Variants in MLLT10 observed in about 807,000 individuals in gnomAD.
MLLT10 encodes the protein MLLT10 histone lysine methyltransferase DOT1L cofactor.
Under a neutral mutation model 129.1 loss-of-function variants are expected in MLLT10, and 30 were observed. The ratio of observed to expected loss-of-function variants is 0.23; its 90% CI spans 0.17 to 0.32. The LOEUF (loss-of-function observed/expected upper bound fraction) is 0.32. MLLT10 is among the 10% of genes least tolerant of loss of function. The pLI is 1.00. For synonymous variants in MLLT10, 490 were observed against 446.4 expected (o/e 1.10, Z -1.23); for missense variants, 1,119 against 1,268.3 (o/e 0.88, Z 1.79).
Position 21,534,825 on chromosome 10 carries a change from C to T in MLLT10, c.160+21C>T, listed in dbSNP as rs372308737. ...TCAAGGTAAACACCCAACCGCCCGC[C>T]GGGGCGCGCCGGCCTGCGCCCAACG... is the stretch of plus-strand genomic sequence containing the variant. On this transcript the variant is annotated intron_variant, in intron 2 of 22. Coordinates refer to ENST00000307729, the MANE Select transcript of MLLT10 (RefSeq NM_001195626.3). 91 of 1,562,204 alleles carry T rather than the reference C, an allele frequency of 5.8e-5. No homozygotes were observed. In the African/African-American group the frequency reaches 1.2e-3, roughly 20 times the overall value.
chr10:21,630,746 T>C (rs1297597459), intron 8 of MLLT10, among the ~76,000 whole-genome samples: 1 of 152,236 alleles, frequency 6.6e-6, no homozygotes, highest in African/African-American at 2.4e-5. Context: ...TACCAGCATC[T>C]ATGAAACTGT....
At chr10:21,670,336 C>A in intron 9 of MLLT10, 113 bp from the exon 10 acceptor site, 1 of 1,009,628 alleles carries the variant, frequency 9.9e-7, no homozygotes, top group Non-Finnish European at 1.4e-6. Flanking sequence ...ATTTTTAGAA[C>A]AGAAACTTTG....
intron 3 of MLLT10, among the ~76,000 whole-genome samples, chr10:21,567,272 A>G (rs1342208329): frequency 1.3e-5 from 2 of 152,168 alleles, no homozygotes; most frequent in Non-Finnish European, 2.9e-5. Context: ...TAAGCCAGGT[A>G]GGGGATGAAG....
intron 11 of MLLT10, among the ~76,000 whole-genome samples, chr10:21,680,435 A>G (rs976908924): frequency 6.6e-6 from 1 of 151,740 alleles, no homozygotes; most frequent in Non-Finnish European, 1.5e-5. Context: ...CAAACTCCTG[A>G]CCTCAAGTGC....
In MLLT10 at chr10:21,670,506, A is replaced by C. The variant is rs572415276; in HGVS notation, c.853A>C (p.Thr285Pro). ...ISGSLKRLEDTTARFTNANFQ... is the reference protein window; with the variant it reads ...ISGSLKRLEDPTARFTNANFQ... ...TGGATCATTGAAGCGCTTGGAAGAT[A>C]CTACTGCACGATTTACAAATGCAAA... The change falls in exon 10 of 23, where the codon ACT becomes CCT. Residue 285 changes from threonine to proline, a missense_variant. Around this residue, in one of 5 missense-constraint regions of MLLT10, gnomAD observed 1,004 missense variants for 1,008.7 expected, o/e 1.00. Transcript: ENST00000307729. 6.2e-7 allele frequency: 1 copy of C among 1,614,134 alleles called. No individual in the cohort carries two copies. Among genetic ancestry groups the C allele is most frequent in the African/African-American group, 1.3e-5 (1 of 75,066 alleles).
At chr10:21,680,859 C>T (rs2052663251) in intron 11 of MLLT10, among the ~76,000 whole-genome samples, 1 of 151,672 alleles carries the variant, frequency 6.6e-6, no homozygotes, top group African/African-American at 2.4e-5. Flanking sequence ...GTAGTCCCAG[C>T]TATTTGGGAG....
chr10:21,703,853 G>T (rs1023199113), intron 13 of MLLT10, among the ~76,000 whole-genome samples: 2 of 151,426 alleles, frequency 1.3e-5, no homozygotes, highest in Non-Finnish European at 2.9e-5. Flanking sequence ...CCAGACCTGG[G>T]AAGTTTTAAT....
At chr10:21,553,460 A>C (rs1362168996) in intron 3 of MLLT10, among the ~76,000 whole-genome samples, 1 of 150,792 alleles carries the variant, frequency 6.6e-6, no homozygotes, top group Non-Finnish European at 1.5e-5. Flanking sequence ...CGAGTAGCTG[A>C]GACTACAGGC....
intron 3 of MLLT10, among the ~76,000 whole-genome samples, chr10:21,543,420 C>G (rs1212443454): frequency 6.6e-6 from 1 of 152,022 alleles, no homozygotes. Flanking sequence ...GTTGCCTGGC[C>G]AAGGATTTTT....
Position 21,599,067 on chromosome 10 carries a change from ACTC to A in MLLT10, c.405+3628_405+3630del, listed in dbSNP as rs544477964. Among the ~76,000 whole-genome samples, 53 of 151,524 alleles carry A rather than the reference ACTC, an allele frequency of 3.5e-4. 3 individuals carry two copies. The South Asian group carries it at 0.011, about 31-fold the overall frequency. On this transcript the variant is annotated intron_variant, in intron 5 of 22. Transcript: ENST00000307729. ...AGTAGCAGGCGCCTGTAATCCCACT[ACTC>A]AGGAGGCTGAGGCAGGAGAATTGCT... is the stretch of plus-strand genomic sequence containing the variant.
rs776219641 is a variant in MLLT10, at chr10:21,642,366, C to T, written c.700-9307C>T. Among the ~76,000 whole-genome samples, 210 of 142,220 alleles carry T rather than the reference C, an allele frequency of 1.5e-3. 1 individual carries two copies. Among genetic ancestry groups the T allele is most frequent in the Non-Finnish European group, 1.2e-3 (76 of 65,132 alleles). 93.3% of individuals were successfully genotyped at this position (142,220 alleles called of 152,430 possible). On this transcript the variant is annotated intron_variant, in intron 8 of 22. Transcript: ENST00000307729. Reference sequence around the variant, plus strand: ...AAACTCCGTTTAAAAAACAAAAATACGAAGAAGTAGCCGGGCGCGGTGGCT... The same window carrying T: ...AAACTCCGTTTAAAAAACAAAAATATGAAGAAGTAGCCGGGCGCGGTGGCT...
At chr10:21,711,661 G>A (rs1040766760) in intron 13 of MLLT10, among the ~76,000 whole-genome samples, 1 of 151,582 alleles carries the variant, frequency 6.6e-6, no homozygotes, top group Non-Finnish European at 1.5e-5. Context: ...CAGGAGGGTC[G>A]CTTGGCCCAG....
intron 3 of MLLT10, among the ~76,000 whole-genome samples, chr10:21,583,376 T>G (rs372382893): frequency 5.4e-4 from 82 of 152,190 alleles, no homozygotes; most frequent in African/African-American, 1.8e-3. Context: ...AATTTCACCA[T>G]TTAAAGGTTT....
At chr10:21,635,925 CTTTTT>C (rs530505484) in intron 8 of MLLT10, among the ~76,000 whole-genome samples, 2 of 111,516 alleles carry the variant, frequency 1.8e-5, no homozygotes, top group East Asian at 4.8e-4. Context: ...TGCACCTGGC[CTTTTT>C]TTTTTTTTTT....
chr10:21,547,527 C>CT lies in MLLT10; in HGVS notation c.240+8627dup, dbSNP rs869057298. Among the ~76,000 whole-genome samples the CT allele has an allele frequency of 1.0e-3, 141 of 135,090 alleles. 1 individual carries two copies. The highest frequency in any genetic ancestry group is 1.5e-3 in the Admixed American group (20 of 13,180). 88.6% of individuals were successfully genotyped at this position (135,090 alleles called of 152,430 possible). A position where few individuals can be genotyped will look rare whatever the true frequency, so the allele number is the denominator to read the frequency against. Reference sequence around the variant, plus strand: ...CTGGAATTACTCCATCTGTTTTTTTCTTTTTTTTTTTTGGTGATAGAGTCT... The same window carrying CT: ...CTGGAATTACTCCATCTGTTTTTTTCTTTTTTTTTTTTTGGTGATAGAGTCT... On this transcript the variant is annotated intron_variant, in intron 3 of 22. Transcript: ENST00000307729.
Position 21,711,404 on chromosome 10 carries a change from A to G in MLLT10, c.1700-2368A>G, listed in dbSNP as rs113229087. Among the ~76,000 whole-genome samples the G allele has an allele frequency of 1.0e-3, 154 of 151,968 alleles. 1 individual carries two copies. Among genetic ancestry groups the G allele is most frequent in the Admixed American group, 1.9e-3 (29 of 15,282 alleles). On this transcript the variant is annotated intron_variant, in intron 13 of 22. Coordinates refer to ENST00000307729, the MANE Select transcript of MLLT10 (RefSeq NM_001195626.3). ...ACCACTGCACTCCAGCCTGGGCAACAGAGCAAGACTTCACCTCAAAAAAGA... is the reference window on the plus strand; with the variant it reads ...ACCACTGCACTCCAGCCTGGGCAACGGAGCAAGACTTCACCTCAAAAAAGA...
At chr10:21,669,083 T>C (rs1453861723) in intron 9 of MLLT10, 1 of 1,320,374 alleles carries the variant, frequency 7.6e-7, no homozygotes, top group Non-Finnish European at 9.9e-7. Flanking sequence ...AGCTTAAATG[T>C]AATTGGTTTG....
chr10:21,707,227 C>T (rs1199235475), intron 13 of MLLT10, among the ~76,000 whole-genome samples: 3 of 138,792 alleles, frequency 2.2e-5, no homozygotes, highest in Non-Finnish European at 4.5e-5. Flanking sequence ...GAGTTTCGCT[C>T]TGTTGCCCAG....
At chr10:21,536,785 T>G (rs2034102027) in intron 2 of MLLT10, among the ~76,000 whole-genome samples, 1 of 151,970 alleles carries the variant, frequency 6.6e-6, no homozygotes, top group Non-Finnish European at 1.5e-5. Context: ...CAGGTTGGTC[T>G]TGACTTTTTT....
Sources: allele counts gnomAD v4.1 joint callset (sites outside exome capture counted in the v4.1 genomes callset), GRCh38; gene constraint gnomAD v4.1.1; regional missense constraint gnomAD v4.1.1; transcripts MANE v1.5; gene names NCBI Gene and HGNC (gene_info 2026-07-23, HGNC 2026-07-21).